Variants in RBM26 observed in about 807,000 individuals in gnomAD.
RBM26 encodes the protein RNA-binding protein 26.
In RBM26, 30 loss-of-function variants were observed where a neutral mutation model predicts 123.6. The ratio of observed to expected loss-of-function variants is 0.24; its 90% CI spans 0.18 to 0.33. The LOEUF (loss-of-function observed/expected upper bound fraction) is 0.33, where lower values mean the gene tolerates loss of function less well. Ranked by LOEUF, RBM26 falls within the 10% of genes least tolerant of loss-of-function variation. RBM26 has a pLI of 1.00. For missense variants in RBM26, 947 were observed against 1,203.6 expected, an observed-to-expected ratio of 0.79 and a Z score of 3.15; for synonymous variants, 400 against 404.4, an observed-to-expected ratio of 0.99 and a Z score of 0.13.
At chr13:79,359,764 C>G (rs974723875) in intron 9 of RBM26, 78 bp from the exon 10 acceptor site, 12 of 538,966 alleles carry the variant, frequency 2.2e-5, no homozygotes, top group Non-Finnish European at 3.5e-5. Flanking sequence ...CTTCCTCATA[C>G]AGGAAAATTT....
At chr13:79,339,070 A>C (rs1594082571) in intron 18 of RBM26, among the ~76,000 whole-genome samples, 2 of 152,220 alleles carry the variant, frequency 1.3e-5, no homozygotes, top group African/African-American at 4.8e-5. Flanking sequence ...CAGGTATTTC[A>C]GTTTCTGCAT....
chr13:79,373,435 AT>A (rs1407377402), intron 3 of RBM26, among the ~76,000 whole-genome samples: 34,794 of 55,346 alleles, frequency 0.63, 8,159 homozygotes, highest in Admixed American at 0.67. Context: ...ATATAAATAT[AT>A]ATTATATATT....
chr13:79,359,776 T>C, intron 9 of RBM26, 90 bp from the exon 10 acceptor site: 1 of 433,144 alleles, frequency 2.3e-6, no homozygotes, highest in Non-Finnish European at 3.8e-6. Context: ...GGAAAATTTC[T>C]GGCTTTTGTC....
chr13:79,403,756 A>AT (rs1474269012), intron 1 of RBM26, among the ~76,000 whole-genome samples: 1 of 152,166 alleles, frequency 6.6e-6, no homozygotes, highest in Non-Finnish European at 1.5e-5. Flanking sequence ...CCGCTATACT[A>AT]TGATGCCCAC....
rs1476122889 is a variant in RBM26, at chr13:79,355,485, A to C, written c.1690-101T>G. Reference sequence around the variant, plus strand: ...TGAAATACTGGTCCTTCCAAGTAAGATTCTGTATTTATACTTCTTGGTATC... The same window carrying C: ...TGAAATACTGGTCCTTCCAAGTAAGCTTCTGTATTTATACTTCTTGGTATC... On this transcript the variant is annotated intron_variant, in intron 11 of 21. Coordinates refer to ENST00000438737, the MANE Select transcript of RBM26 (RefSeq NM_001366735.2). 6 of 842,446 alleles carry C rather than the reference A, an allele frequency of 7.1e-6. No homozygotes were observed. The South Asian group carries it at 1.0e-4, about 15-fold the overall frequency. 52.2% of individuals were successfully genotyped at this position (842,446 alleles called of 1,614,324 possible).
intron 20 of RBM26, among the ~76,000 whole-genome samples, chr13:79,329,167 A>G (rs1409273012): frequency 6.6e-6 from 1 of 152,142 alleles, no homozygotes; most frequent in Non-Finnish European, 1.5e-5. Context: ...TAAAAACCAT[A>G]GAGTCTAGAA....
chr13:79,356,401 A>G (rs549014825), intron 11 of RBM26, among the ~76,000 whole-genome samples: 1 of 148,896 alleles, frequency 6.7e-6, no homozygotes, highest in Non-Finnish European at 1.5e-5. Flanking sequence ...AAAAAAAACA[A>G]AAAAGTAGTT....
In RBM26 at chr13:79,365,580, C is replaced by T; in HGVS notation, c.1415G>A (p.Arg472Lys). The change falls in exon 9 of 22, where the codon AGA becomes AAA. Residue 472 changes from arginine (R) to lysine (K), a missense_variant and splice_region_variant. This residue lies in a region of RBM26 where 493 missense variants were observed against 563.1 expected (regional missense o/e 0.88). Transcript: ENST00000438737. ...GAAGGAAAGATTAATTATAGTACCT[C>T]TGGGTGGCAAATCCATATCCCCTGA... ...LTSGDMDLPP[R>K]EKPPNKSSMR... The T allele has an allele frequency of 6.2e-7, 1 of 1,611,026 alleles. No individual in the cohort carries two copies. Among genetic ancestry groups the T allele is most frequent in the Non-Finnish European group, 8.5e-7 (1 of 1,178,330 alleles).
chr13:79,399,409 A>C (rs1037002414), intron 1 of RBM26, among the ~76,000 whole-genome samples: 4 of 152,210 alleles, frequency 2.6e-5, no homozygotes, highest in African/African-American at 7.2e-5. Flanking sequence ...GCCCACTACT[A>C]ATCTTCAGAA....
At chr13:79,316,232 T>C (rs1337798438), downstream of RBM26, among the ~76,000 whole-genome samples, 2 of 130,048 alleles carry the variant, frequency 1.5e-5, no homozygotes, top group Admixed American at 7.9e-5. Context: ...TGTGTGTGTG[T>C]TGGGTGGAGC....
chr13:79,382,899 T>C (rs1473939276), intron 1 of RBM26, among the ~76,000 whole-genome samples: 3 of 62,932 alleles, frequency 4.8e-5, no homozygotes, highest in Non-Finnish European at 1.0e-4. Context: ...GATATCATTA[T>C]TAGATGGTTT....
chr13:79,389,796 T>C (rs767681738), intron 1 of RBM26, among the ~76,000 whole-genome samples: 13 of 152,148 alleles, frequency 8.5e-5, no homozygotes, highest in Non-Finnish European at 1.6e-4. Flanking sequence ...ACTTAAATAA[T>C]TCAAGAAAAT....
downstream of RBM26, chr13:79,315,074 T>C (rs1176555589): frequency 4.1e-6 from 3 of 737,418 alleles, no homozygotes; most frequent in Admixed American, 5.8e-5. Flanking sequence ...TAAATTGACC[T>C]CCAACTTTTC....
rs531818280 is a variant in RBM26 at position 79,376,980 on chromosome 13, T to G, written c.327+399A>C. On this transcript the variant is annotated intron_variant, in intron 3 of 21. Transcript: ENST00000438737. ...AGGAGTCTGGAATTTTGGTACATAC[T>G]AGGTAGGCGGTGCCTATGTGACCAG... is the stretch of plus-strand genomic sequence containing the variant. 3 of 165,024 alleles carry G rather than the reference T, an allele frequency of 1.8e-5. No individual in the cohort carries two copies. The East Asian group carries it at 4.8e-4, about 26-fold the overall frequency. 10.2% of individuals were successfully genotyped at this position (165,024 alleles called of 1,614,324 possible). A position where few individuals can be genotyped will look rare whatever the true frequency, so the allele number is the denominator to read the frequency against.
intron 18 of RBM26, among the ~76,000 whole-genome samples, chr13:79,340,153 T>C (rs552963180): frequency 8.0e-6 from 1 of 125,388 alleles, no homozygotes; most frequent in African/African-American, 2.7e-5. Context: ...AAAGAAATAT[T>C]TTTCAAACTT....
At chr13:79,323,389 T>C (rs1301572011) in intron 20 of RBM26, among the ~76,000 whole-genome samples, 1 of 151,628 alleles carries the variant, frequency 6.6e-6, no homozygotes, top group African/African-American at 2.4e-5. Flanking sequence ...CCTGCACATA[T>C]AAATTTATGA....
At chr13:79,392,334 T>C (rs1164764970) in intron 1 of RBM26, among the ~76,000 whole-genome samples, 1 of 142,736 alleles carries the variant, frequency 7.0e-6, no homozygotes, top group South Asian at 2.1e-4. Flanking sequence ...AGTAATTATA[T>C]ATAATTACAT....
chr13:79,340,529 C>T (rs1425745360), intron 18 of RBM26, among the ~76,000 whole-genome samples: 1 of 152,038 alleles, frequency 6.6e-6, no homozygotes, highest in Non-Finnish European at 1.5e-5. Flanking sequence ...TTTCAAAATA[C>T]AGTTCCAATC....
At chr13:79,326,638 C>A (rs966804812) in intron 20 of RBM26, among the ~76,000 whole-genome samples, 1 of 152,200 alleles carries the variant, frequency 6.6e-6, no homozygotes, top group African/African-American at 2.4e-5. Context: ...TAAAAAGACA[C>A]ATTTAATCAT....
Sources: gnomAD v4.1 joint callset for allele counts (sites outside exome capture counted in the v4.1 genomes callset) on GRCh38, gnomAD v4.1.1 for gene constraint, gnomAD v4.1.1 regional missense constraint, MANE v1.5 for transcripts, NCBI Gene and HGNC (gene_info 2026-07-23, HGNC 2026-07-21) for gene names.